The following DNM3 variants were observed in gnomAD, a reference collection of about 807,000 sequenced individuals.
DNM3 encodes the protein dynamin-3.
Under a neutral mutation model 101.6 loss-of-function variants are expected in DNM3, and 47 were observed. That is an observed-to-expected ratio of 0.46 (90% CI 0.37 to 0.59). DNM3 has a LOEUF of 0.59. Among genes scored for constraint, DNM3 ranks in the 20% least tolerant of loss-of-function variants. The probability of loss-of-function intolerance (pLI) is 0.00; values close to 1 mark genes in which losing one functional copy is unlikely to be tolerated. For synonymous variants in DNM3, 385 were observed against 387.9 expected, an observed-to-expected ratio of 0.99 and a Z score of 0.09; for missense variants, 849 against 1,085.7, an observed-to-expected ratio of 0.78 and a Z score of 3.06.
Position 172,411,016 on chromosome 1 carries a change from G to C in DNM3, c.*3175G>C, listed in dbSNP as rs1025599604. The C allele has an allele frequency of 1.0e-6, 1 of 985,092 alleles. No homozygotes were observed. The highest frequency in any genetic ancestry group is 1.2e-6 in the Non-Finnish European group (1 of 829,750). 61.0% of individuals were successfully genotyped at this position (985,092 alleles called of 1,614,324 possible). A position where few individuals can be genotyped will look rare whatever the true frequency, so the allele number is the denominator to read the frequency against. On this transcript the variant is annotated 3_prime_UTR_variant, in exon 21 of 21. Coordinates refer to ENST00000627582, the MANE Select transcript of DNM3 (RefSeq NM_015569.5). ...TGTGTATTTTATGTCCATTTGAGTA[G>C]GTAGGTAGGTTTTAAAAATACTAGT... is the stretch of plus-strand genomic sequence containing the variant.
intron 13 of DNM3, among the ~76,000 whole-genome samples, chr1:172,115,524 G>A (rs564761762): frequency 3.9e-5 from 6 of 152,284 alleles, no homozygotes; most frequent in Non-Finnish European, 7.3e-5. Context: ...TCCAATGACT[G>A]TTAAGGTCTA....
chr1:171,957,859 T>A (rs1159208670), intron 2 of DNM3, among the ~76,000 whole-genome samples: 1 of 152,194 alleles, frequency 6.6e-6, no homozygotes, highest in African/African-American at 2.4e-5. Context: ...CTTTCCCACA[T>A]TTTCCTGTCT....
intron 4 of DNM3, among the ~76,000 whole-genome samples, chr1:172,021,007 C>G (rs1355565597): frequency 1.3e-5 from 2 of 152,158 alleles, no homozygotes; most frequent in Non-Finnish European, 2.9e-5. Context: ...CTATATTCAC[C>G]TGTCTCTCCA....
chr1:172,068,922 C>G lies in DNM3; in HGVS notation c.1422+17C>G, dbSNP rs2051925494. 6.4e-7 allele frequency: 1 copy of G among 1,552,778 alleles called. No individual in the cohort carries two copies. Among genetic ancestry groups the G allele is most frequent in the African/African-American group, 1.4e-5 (1 of 73,096 alleles). ...AAGGACCAGGTAAAGAGAGGTCTTCCCTGGTGGGCAGGGAGATTGTGGGAG... is the reference window on the plus strand; with the variant it reads ...AAGGACCAGGTAAAGAGAGGTCTTCGCTGGTGGGCAGGGAGATTGTGGGAG... On this transcript the variant is annotated intron_variant, in intron 11 of 20. Transcript: ENST00000627582.
Position 172,409,384 on chromosome 1 carries a change from T to C in DNM3, c.*1543T>C. ...CTCATAAAGTATAAAGTAAAAACTT[T>C]TAACCATTATTAAACAGAGAACTTG... On this transcript the variant is annotated 3_prime_UTR_variant, in exon 21 of 21. Coordinates refer to ENST00000627582, the MANE Select transcript of DNM3 (RefSeq NM_015569.5). 1.0e-6 allele frequency: 1 copy of C among 985,178 alleles called. No homozygotes were observed. Among genetic ancestry groups the C allele is most frequent in the African/African-American group, 1.7e-5 (1 of 57,358 alleles). The allele number at this position is 985,178 out of a possible 1,614,324, so 61.0% of individuals were successfully genotyped here. A position where few individuals can be genotyped will look rare whatever the true frequency, so the allele number is the denominator to read the frequency against.
Position 171,935,726 on chromosome 1 carries a change from G to A in DNM3, c.235+13905G>A, listed in dbSNP as rs145185881. On this transcript the variant is annotated intron_variant, in intron 2 of 20. Transcript: ENST00000627582. ...GGTAGCTAGAAATTAGTCATGGTTG[G>A]AGTATTTACACTTCAGAAATTGGCA... Among the ~76,000 whole-genome samples the A allele has an allele frequency of 6.3e-5, 9 of 141,814 alleles. No homozygotes were observed. The East Asian group carries it at 1.9e-3, about 30-fold the overall frequency. 93.0% of individuals were successfully genotyped at this position (141,814 alleles called of 152,430 possible). A position where few individuals can be genotyped will look rare whatever the true frequency, so the allele number is the denominator to read the frequency against.
chr1:172,035,687 G>T (rs964558849), intron 6 of DNM3, among the ~76,000 whole-genome samples: 8 of 152,154 alleles, frequency 5.3e-5, no homozygotes, highest in Non-Finnish European at 1.2e-4. Flanking sequence ...CAATCAGTTG[G>T]TTGCTGGTTT....
At chr1:172,106,669 G>A (rs979902477) in intron 13 of DNM3, among the ~76,000 whole-genome samples, 1 of 151,676 alleles carries the variant, frequency 6.6e-6, no homozygotes, top group Non-Finnish European at 1.5e-5. Context: ...TCAAAAATGG[G>A]CATTGAATTT....
chr1:172,148,852 GA>G (rs2058023388), intron 14 of DNM3, among the ~76,000 whole-genome samples: 1 of 152,018 alleles, frequency 6.6e-6, no homozygotes, highest in Non-Finnish European at 1.5e-5. Context: ...CAAAGGAATA[GA>G]TATGTTGTAG....
intron 2 of DNM3, among the ~76,000 whole-genome samples, chr1:171,965,863 A>G (rs1281098865): frequency 6.6e-6 from 1 of 152,096 alleles, no homozygotes; most frequent in East Asian, 1.9e-4. Context: ...GAGAATTCCA[A>G]CTTTCTAGTC....
chr1:171,849,856 C>T (rs1051170247), intron 1 of DNM3, among the ~76,000 whole-genome samples: 4 of 152,074 alleles, frequency 2.6e-5, no homozygotes, highest in African/African-American at 4.8e-5. Flanking sequence ...ACTGGGGTCA[C>T]ATGGTGAGTA....
At chr1:171,889,038 G>A (rs1419875292) in intron 1 of DNM3, among the ~76,000 whole-genome samples, 1 of 152,144 alleles carries the variant, frequency 6.6e-6, no homozygotes, top group Non-Finnish European at 1.5e-5. Flanking sequence ...GGATTGCAGT[G>A]GTGCAATCAC....
chr1:172,067,768 T>A (rs1275868241), intron 10 of DNM3, among the ~76,000 whole-genome samples: 1 of 152,194 alleles, frequency 6.6e-6, no homozygotes, highest in Non-Finnish European at 1.5e-5. Context: ...ATAATTTAGA[T>A]GGGGTTAAGT....
At chr1:172,063,573 C>T (rs572180086) in intron 10 of DNM3, among the ~76,000 whole-genome samples, 4 of 151,574 alleles carry the variant, frequency 2.6e-5, no homozygotes, top group Non-Finnish European at 4.4e-5. Context: ...TTCCTAAAGT[C>T]GTGTATATTA....
intron 13 of DNM3, among the ~76,000 whole-genome samples, chr1:172,127,634 C>G (rs2056715101): frequency 6.6e-6 from 1 of 151,866 alleles, no homozygotes; most frequent in South Asian, 2.1e-4. Context: ...TGGTCTCGAT[C>G]CCCTGACCTC....
intron 14 of DNM3, among the ~76,000 whole-genome samples, chr1:172,146,735 C>T (rs1197673756): frequency 2.6e-5 from 4 of 152,142 alleles, no homozygotes. Flanking sequence ...AGCCAGTATT[C>T]CAGGTGTAGA....
intron 4 of DNM3, among the ~76,000 whole-genome samples, chr1:172,013,568 T>C (rs999969913): frequency 2.0e-5 from 3 of 152,048 alleles, no homozygotes; most frequent in Admixed American, 1.3e-4. Flanking sequence ...GTATAAGAAC[T>C]ATGATTTCAG....
At chr1:171,843,548 T>A (rs188522337) in intron 1 of DNM3, among the ~76,000 whole-genome samples, 40 of 152,348 alleles carry the variant, frequency 2.6e-4, no homozygotes, top group Admixed American at 1.8e-3. Flanking sequence ...ATTAAAACTG[T>A]AAGTATTTCA....
intron 13 of DNM3, among the ~76,000 whole-genome samples, chr1:172,111,198 A>T (rs546564101): frequency 8.7e-4 from 132 of 152,354 alleles, no homozygotes; most frequent in African/African-American, 2.5e-3. Flanking sequence ...TTGTTGCTTT[A>T]GATGGGAGAG....
Sources: allele counts gnomAD v4.1 joint callset (sites outside exome capture counted in the v4.1 genomes callset), GRCh38; gene constraint gnomAD v4.1.1; transcripts MANE v1.5; gene names NCBI Gene and HGNC (gene_info 2026-07-23, HGNC 2026-07-21).